Variants in DAB1 observed in about 807,000 individuals in gnomAD.
The protein encoded by DAB1 is disabled homolog 1.
A neutral mutation model predicts 64.6 loss-of-function variants in DAB1; 15 were observed. The observed-to-expected ratio is 0.23, with a 90% CI of 0.16 to 0.36. The LOEUF is 0.36. Ranked by LOEUF, DAB1 falls within the 10% of genes least tolerant of loss-of-function variation. DAB1 has a pLI of 1.00. For missense variants in DAB1, 596 were observed against 706.7 expected, an observed-to-expected ratio of 0.84 and a Z score of 1.78; for synonymous variants, 235 against 251.9, an observed-to-expected ratio of 0.93 and a Z score of 0.64.
intron 7 of DAB1, among the ~76,000 whole-genome samples, chr1:57,490,933 C>T (rs543047007): frequency 6.6e-6 from 1 of 152,220 alleles, no homozygotes; most frequent in African/African-American, 2.4e-5. Flanking sequence ...AATTTTTTCA[C>T]AGTTGAGAAG....
At chr1:58,027,656 T>C (rs1211973940) in intron 5 of DAB1, among the ~76,000 whole-genome samples, 1 of 152,116 alleles carries the variant, frequency 6.6e-6, no homozygotes, top group Non-Finnish European at 1.5e-5. Context: ...TCTTCCAATT[T>C]GTGTGACTTT....
intron 6 of DAB1, among the ~76,000 whole-genome samples, chr1:57,795,732 T>TA (rs1650828388): frequency 8.9e-6 from 1 of 112,804 alleles, no homozygotes; most frequent in South Asian, 3.0e-4. Flanking sequence ...TATATATATA[T>TA]ATCATACACA....
chr1:58,277,765 A>G (rs1313740758), intron 4 of DAB1, among the ~76,000 whole-genome samples: 1 of 152,078 alleles, frequency 6.6e-6, no homozygotes, highest in Non-Finnish European at 1.5e-5. Flanking sequence ...TGTGAGTTTT[A>G]CCTCCTCCAT....
intron 4 of DAB1, among the ~76,000 whole-genome samples, chr1:58,216,832 T>C (rs970524329): frequency 1.3e-5 from 2 of 152,226 alleles, no homozygotes; most frequent in Admixed American, 6.5e-5. Context: ...TAGATCATTA[T>C]GCTCTTTCAA....
intron 4 of DAB1, among the ~76,000 whole-genome samples, chr1:58,179,174 G>A (rs1656647011): frequency 6.6e-6 from 1 of 151,568 alleles, no homozygotes; most frequent in Non-Finnish European, 1.5e-5. Context: ...GTATTCCTGA[G>A]ATAAATTTCA....
intron 1 of DAB1, among the ~76,000 whole-genome samples, chr1:57,355,859 G>T (rs114527665): frequency 1.5e-5 from 2 of 135,206 alleles, no homozygotes; most frequent in South Asian, 4.7e-4. Context: ...TAGCTTTTTT[G>T]TTAAACCTCA....
At position 58,544,930 on chromosome 1, in the gene DAB1, GGT is replaced by G. The variant is rs1365778138; in HGVS notation, n.32+1771_32+1772del. On this transcript the variant is annotated intron_variant and non_coding_transcript_variant, in intron 1 of 20. Transcript: ENST00000485760. ...TTTTTTAATTTTTTTCTGTAGACACGGTGTGTCACTATGTTGCCCAGGCTGGT... is the reference window on the plus strand; with the variant it reads ...TTTTTTAATTTTTTTCTGTAGACACGGTGTCACTATGTTGCCCAGGCTGGT... Among the ~76,000 whole-genome samples, 10 of 152,138 alleles carry G rather than the reference GGT, an allele frequency of 6.6e-5. 1 individual carries two copies. The East Asian group carries it at 1.7e-3, about 26-fold the overall frequency.
chr1:57,481,736 G>A (rs1026611104), intron 7 of DAB1, among the ~76,000 whole-genome samples: 1 of 151,494 alleles, frequency 6.6e-6, no homozygotes, highest in Admixed American at 6.6e-5. Flanking sequence ...AGAATTGCTG[G>A]AACCCAGAAG....
chr1:57,215,403 C>T (rs1569921901), intron 2 of DAB1, among the ~76,000 whole-genome samples: 1 of 152,174 alleles, frequency 6.6e-6, no homozygotes, highest in East Asian at 1.9e-4. Flanking sequence ...AAACAAAGTG[C>T]CACTCAAGAA....
intron 7 of DAB1, among the ~76,000 whole-genome samples, chr1:57,484,254 C>A (rs1018939111): frequency 6.6e-6 from 1 of 152,146 alleles, no homozygotes. Flanking sequence ...CCACATCAGT[C>A]CCCTGGATTG....
intron 9 of DAB1, among the ~76,000 whole-genome samples, chr1:57,051,941 T>C (rs1553134007): frequency 1.3e-5 from 2 of 152,132 alleles, no homozygotes; most frequent in Non-Finnish European, 2.9e-5. Context: ...TGGAGGGCTG[T>C]GCATTTCCTT....
chr1:58,423,436 T>C (rs544128274), intron 3 of DAB1, among the ~76,000 whole-genome samples: 1 of 152,252 alleles, frequency 6.6e-6, no homozygotes, highest in African/African-American at 2.4e-5. Context: ...TGGAGGGAAG[T>C]TCCAACTGGA....
At chr1:57,531,007 G>A (rs1448559724) in intron 7 of DAB1, among the ~76,000 whole-genome samples, 2 of 152,148 alleles carry the variant, frequency 1.3e-5, no homozygotes, top group Non-Finnish European at 2.9e-5. Context: ...GTGAGGTGAT[G>A]AGAGACTTAC....
intron 7 of DAB1, among the ~76,000 whole-genome samples, chr1:57,606,391 T>TATATATATATAC (rs1491526140): frequency 3.2e-4 from 41 of 126,430 alleles, no homozygotes; most frequent in African/African-American, 1.1e-3. Context: ...TATATATATA[T>TATATATATATAC]ACACATTATA....
intron 3 of DAB1, among the ~76,000 whole-genome samples, chr1:58,395,233 G>A (rs1644510642): frequency 6.6e-6 from 1 of 152,122 alleles, no homozygotes; most frequent in Non-Finnish European, 1.5e-5. Context: ...AGTGGGGCTT[G>A]CCCTTACCAA....
chr1:57,211,505 C>A (rs541635364), intron 2 of DAB1, among the ~76,000 whole-genome samples: 1 of 152,296 alleles, frequency 6.6e-6, no homozygotes, highest in Non-Finnish European at 1.5e-5. Context: ...TGCTTTGAAT[C>A]ATCACTTTAA....
At chr1:57,406,054 A>G (rs990425590) in intron 1 of DAB1, among the ~76,000 whole-genome samples, 1 of 152,170 alleles carries the variant, frequency 6.6e-6, no homozygotes, top group African/African-American at 2.4e-5. Flanking sequence ...ATCCATTCAT[A>G]CCAAATTACC....
intron 7 of DAB1, among the ~76,000 whole-genome samples, chr1:57,632,413 G>A (rs777516288): frequency 4.6e-5 from 7 of 152,168 alleles, no homozygotes; most frequent in Non-Finnish European, 8.8e-5. Context: ...CAGCCACAGC[G>A]GATGAAAGGT....
chr1:58,371,839 G>A (rs530863026), intron 3 of DAB1, among the ~76,000 whole-genome samples: 2 of 152,322 alleles, frequency 1.3e-5, no homozygotes, highest in South Asian at 2.1e-4. Context: ...GCTTCCACAT[G>A]TTGTTGGGCC....
Sources: gnomAD v4.1 joint callset for allele counts (sites outside exome capture counted in the v4.1 genomes callset) on GRCh38, gnomAD v4.1.1 for gene constraint, MANE v1.5 for transcripts, NCBI Gene and HGNC (gene_info 2026-07-23, HGNC 2026-07-21) for gene names.